Variants in ZNF134 observed in about 807,000 individuals in gnomAD.
The protein encoded by ZNF134 is zinc finger protein 134, also known as zinc finger protein 134 (clone pHZ-15).
Under a neutral mutation model 2.5 loss-of-function variants are expected in ZNF134, and 5 were observed. The observed-to-expected ratio is 2.03, with a 90% CI of 1.06 to 4.27. The LOEUF is 4.27. Ranked by LOEUF, ZNF134 falls within the 30% of genes most tolerant of loss-of-function variation. The pLI, the probability that ZNF134 is intolerant of heterozygous loss-of-function variation, is 0.00. For missense variants in ZNF134, 540 were observed against 517.5 expected (o/e 1.04, Z -0.42); for synonymous variants, 176 against 176.2 (o/e 1.00, Z 0.01).
At chr19:57,620,017 GC>G in intron 2 of ZNF134, 142 bp from the exon 3 acceptor site, 1 of 896,094 alleles carries the variant, frequency 1.1e-6, no homozygotes. Flanking sequence ...CTGTACAGCA[GC>G]CCTTTTTTCA....
intron 1 of ZNF134, among the ~76,000 whole-genome samples, chr19:57,615,655 A>G (rs2123475057): frequency 6.6e-6 from 1 of 151,914 alleles, no homozygotes; most frequent in East Asian, 1.9e-4. Context: ...CCTCTGTGTC[A>G]CTCCCCCATG....
rs1056083806 is a variant in ZNF134, at chr19:57,621,682, A to G, written c.*279A>G. Reference sequence around the variant, plus strand: ...AGAAAATCATGAAATGCCTGAGTTCATTGGGGGTCCTCATTCCCTTCTGTA... The same window carrying G: ...AGAAAATCATGAAATGCCTGAGTTCGTTGGGGGTCCTCATTCCCTTCTGTA... On this transcript the variant is annotated 3_prime_UTR_variant, in exon 3 of 3. Transcript: ENST00000396161. 2 of 573,764 alleles carry G rather than the reference A, an allele frequency of 3.5e-6. No individual in the cohort carries two copies. Among genetic ancestry groups the G allele is most frequent in the Admixed American group, 5.0e-5 (2 of 40,328 alleles). 35.5% of individuals were successfully genotyped at this position (573,764 alleles called of 1,614,324 possible).
intron 1 of ZNF134, 121 bp from the exon 2 acceptor site, chr19:57,619,291 C>T (rs956921506): frequency 1.3e-5 from 10 of 781,050 alleles, no homozygotes; most frequent in Admixed American, 6.3e-5. Context: ...ACTGTTCCTG[C>T]AGGACAATTT....
chr19:57,620,247 G>T lies in ZNF134; in HGVS notation c.128G>T (p.Gly43Val), dbSNP rs374472665. ...TCACATGTTAATACTTCCAAGGCAG[G>T]TTTGCCCGCACAGACGGCTCTCCCT... ...AVSHVNTSKA[G>V]LPAQTALPCD... The change falls in exon 3 of 3, where the codon GGT becomes GTT. Residue 43 changes from glycine to valine, a missense_variant. Coordinates refer to ENST00000396161, the MANE Select transcript of ZNF134 (RefSeq NM_003435.5). The T allele has an allele frequency of 4.5e-5, 72 of 1,614,062 alleles. No individual in the cohort carries two copies. Among genetic ancestry groups the T allele is most frequent in the Non-Finnish European group, 5.9e-5 (70 of 1,180,036 alleles).
intron 1 of ZNF134, among the ~76,000 whole-genome samples, chr19:57,617,035 A>G (rs1020987994): frequency 1.1e-4 from 16 of 152,228 alleles, no homozygotes; most frequent in African/African-American, 3.9e-4. Flanking sequence ...CATAGGAACC[A>G]GCATGTGCAA....
At position 57,620,799 on chromosome 19, in the gene ZNF134, C is replaced by T; in HGVS notation, c.680C>T (p.Thr227Ile). The T allele has an allele frequency of 1.2e-6, 2 of 1,614,170 alleles. No homozygotes were observed. The highest frequency in any genetic ancestry group is 1.7e-6 in the Non-Finnish European group (2 of 1,180,022). Residue 227 changes from threonine (T) to isoleucine (I), a missense_variant, in exon 3 of 3, where the codon ACT becomes ATT. Thr to Ile is a moderately conservative substitution (Grantham distance 89). Coordinates refer to ENST00000396161, the MANE Select transcript of ZNF134 (RefSeq NM_003435.5). ...ATLVQHQRIH[T>I]GERPYECSEC... is the part of the protein sequence containing the mutation. ...CTTGTCCAGCATCAGAGAATCCATA[C>T]TGGAGAAAGGCCTTATGAATGCAGC...
Position 57,620,151 on chromosome 19 carries a change from T to C in ZNF134, c.41-9T>C. The C allele has an allele frequency of 6.2e-7, 1 of 1,606,160 alleles. No individual in the cohort carries two copies. Among genetic ancestry groups the C allele is most frequent in the South Asian group, 1.1e-5 (1 of 90,278 alleles). ...AGCATGTACATCAATAGTATTTTTC[T>C]GCCTTCAGGTTGTTGGCATGAAGTG... is the stretch of plus-strand genomic sequence containing the variant. On this transcript the variant is annotated splice_polypyrimidine_tract_variant and intron_variant, in intron 2 of 2. Coordinates refer to ENST00000396161, the MANE Select transcript of ZNF134 (RefSeq NM_003435.5).
At position 57,623,469 on chromosome 19, in the gene ZNF134, A is replaced by G. The variant is rs986054827; in HGVS notation, c.*2066A>G. On this transcript the variant is annotated 3_prime_UTR_variant, in exon 3 of 3. Transcript: ENST00000396161. Reference sequence around the variant, plus strand: ...TATAGTAAAATATATTGGAAAAGAGATACATACAGGGAAGAACTGTGAAAC... The same window carrying G: ...TATAGTAAAATATATTGGAAAAGAGGTACATACAGGGAAGAACTGTGAAAC... 26 of 152,194 alleles carry G rather than the reference A, an allele frequency of 1.7e-4. No individual in the cohort carries two copies. Among genetic ancestry groups the G allele is most frequent in the African/African-American group, 3.9e-4 (16 of 41,438 alleles). The allele number at this position is 152,194 out of a possible 1,614,324, so 9.4% of individuals were successfully genotyped here. A position where few individuals can be genotyped will look rare whatever the true frequency, so the allele number is the denominator to read the frequency against.
At chr19:57,619,677 G>A (rs779204377) in intron 2 of ZNF134, 169 bp downstream of exon 2, 83 of 768,442 alleles carry the variant, frequency 1.1e-4, no homozygotes, top group Non-Finnish European at 1.4e-4. Flanking sequence ...CTGACCCAGG[G>A]CTGTCTTCTC....
intron 2 of ZNF134, chr19:57,619,731 T>C: frequency 1.7e-6 from 1 of 584,992 alleles, no homozygotes; most frequent in African/African-American, 1.9e-5. Context: ...TAGCTCTCTC[T>C]GCGATGCTTT....
chr19:57,621,161 G>C lies in ZNF134; in HGVS notation c.1042G>C (p.Glu348Gln). Residue 348 changes from glutamate to glutamine, a missense_variant, in exon 3 of 3, where the codon GAA (glutamate) becomes CAA (glutamine). Physicochemically the swap from Glu to Gln is conservative, Grantham distance 29 (BLOSUM62 2). Coordinates refer to ENST00000396161, the MANE Select transcript of ZNF134 (RefSeq NM_003435.5). ...TGAGTCAAAGCCGTTTGAGTGCATT[G>C]AATGCGGGAAATTCTTTAGTCGAAG... Reference protein sequence around the residue: ...HTESKPFECIECGKFFSRSSD... With the variant: ...HTESKPFECIQCGKFFSRSSD... The C allele has an allele frequency of 6.2e-7, 1 of 1,614,244 alleles. No individual in the cohort carries two copies. The highest frequency in any genetic ancestry group is 2.2e-5 in the East Asian group (1 of 44,884).
Position 57,621,492 on chromosome 19 carries a change from A to G in ZNF134, c.*89A>G. 1 of 1,585,088 alleles carries G rather than the reference A, an allele frequency of 6.3e-7. No homozygotes were observed. Among genetic ancestry groups the G allele is most frequent in the Non-Finnish European group, 8.6e-7 (1 of 1,165,792 alleles). ...CACAAAGGAGATACCTTATGGTGCC[A>G]GGTACGTGGGAACCTTCTAGGGATA... On this transcript the variant is annotated 3_prime_UTR_variant, in exon 3 of 3. Transcript: ENST00000396161.
At position 57,619,392 on chromosome 19, in the gene ZNF134, C is replaced by G. The variant is rs895767093; in HGVS notation, c.-57-20C>G. 1.3e-6 allele frequency: 2 copies of G among 1,545,528 alleles called. No individual in the cohort carries two copies. The highest frequency in any genetic ancestry group is 2.7e-5 in the African/African-American group (2 of 73,342). On this transcript the variant is annotated intron_variant, in intron 1 of 2. Coordinates refer to ENST00000396161, the MANE Select transcript of ZNF134 (RefSeq NM_003435.5). ...GCTCTCAGCCTGTTTCACCTTTCCC[C>G]TATGCTTTGTATCTTCCAGATCCTC...
At chr19:57,618,176 G>A (rs75663143) in intron 1 of ZNF134, among the ~76,000 whole-genome samples, 1,744 of 152,300 alleles carry the variant, frequency 0.011, 15 homozygotes, top group Non-Finnish European at 0.02. Flanking sequence ...GTTTATCTGG[G>A]ATCTGCACAT....
rs546036164 is a variant in ZNF134 at position 57,620,771 on chromosome 19, A to T, written c.652A>T (p.Thr218Ser). 2.5e-6 allele frequency: 4 copies of T among 1,613,888 alleles called. No homozygotes were observed. In the South Asian group the frequency reaches 4.4e-5, roughly 18 times the overall value. The change falls in exon 3 of 3, where the codon ACA (threonine) becomes TCA (serine). Residue 218 changes from threonine to serine, a missense_variant. Coordinates refer to ENST00000396161, the MANE Select transcript of ZNF134 (RefSeq NM_003435.5). ...TGGGAAAGCCTTCAGCCGCAAAGCT[A>T]CACTTGTCCAGCATCAGAGAATCCA... The part of the protein sequence containing the change: ...ECGKAFSRKA[T>S]LVQHQRIHTG...
rs1171634352 is a variant in ZNF134, at chr19:57,614,243, C to T, written c.-318C>T. The T allele has an allele frequency of 9.6e-6, 4 of 417,132 alleles. No homozygotes were observed. The highest frequency in any genetic ancestry group is 1.5e-5 in the Non-Finnish European group (3 of 204,494). The allele number at this position is 417,132 out of a possible 1,614,324, so 25.8% of individuals were successfully genotyped here. A position where few individuals can be genotyped will look rare whatever the true frequency, so the allele number is the denominator to read the frequency against. ...GGCGGGACTTCCGGTATCTTCCTCG[C>T]GGTGGACATCTTGTCGGCTCTTAGG... On this transcript the variant is annotated 5_prime_UTR_variant, in exon 1 of 3. Coordinates refer to ENST00000396161, the MANE Select transcript of ZNF134 (RefSeq NM_003435.5).
At position 57,621,068 on chromosome 19, in the gene ZNF134, G is replaced by A. The variant is rs752979134; in HGVS notation, c.949G>A (p.Asp317Asn). Reference protein sequence around the residue: ...ESIHTGENPYDCSDCGKSFGH... With the variant: ...ESIHTGENPYNCSDCGKSFGH... Reference sequence around the variant, plus strand: ...TATTCACACTGGAGAAAATCCTTATGATTGCAGTGATTGTGGGAAATCCTT... The same window carrying A: ...TATTCACACTGGAGAAAATCCTTATAATTGCAGTGATTGTGGGAAATCCTT... The change falls in exon 3 of 3, where the codon GAT becomes AAT. Residue 317 changes from aspartate (D) to asparagine (N), a missense_variant. Coordinates refer to ENST00000396161, the MANE Select transcript of ZNF134 (RefSeq NM_003435.5). 1 of 1,614,176 alleles carries A rather than the reference G, an allele frequency of 6.2e-7. No homozygotes were observed. Among genetic ancestry groups the A allele is most frequent in the Non-Finnish European group, 8.5e-7 (1 of 1,180,026 alleles).
chr19:57,616,082 C>T (rs987899107), intron 1 of ZNF134, among the ~76,000 whole-genome samples: 3 of 152,188 alleles, frequency 2.0e-5, no homozygotes, highest in Non-Finnish European at 4.4e-5. Context: ...CTCAGCATGC[C>T]TTCATGGGCG....
chr19:57,621,201 C>A lies in ZNF134; in HGVS notation c.1082C>A (p.Ala361Glu). 6.2e-7 allele frequency: 1 copy of A among 1,614,144 alleles called. No homozygotes were observed. The highest frequency in any genetic ancestry group is 8.5e-7 in the Non-Finnish European group (1 of 1,180,026). The change falls in exon 3 of 3, where the codon GCA becomes GAA. Residue 361 changes from alanine (A) to glutamate (E), a missense_variant. Ala to Glu is a moderately radical substitution (Grantham distance 107). Transcript: ENST00000396161. The stretch of plus-strand genomic sequence containing the variant: ...TTTAGTCGAAGTTCTGACTATATTG[C>A]ACACCAGAGGGTTCACACTGGTGAA... ...KFFSRSSDYI[A>E]HQRVHTGERP...
Sources: allele counts gnomAD v4.1 joint callset (sites outside exome capture counted in the v4.1 genomes callset), GRCh38; gene constraint gnomAD v4.1.1; transcripts MANE v1.5; gene names NCBI Gene and HGNC (gene_info 2026-07-23, HGNC 2026-07-21).